MTARC2: variants seen among roughly 807,000 people sequenced by gnomAD.
MTARC2 encodes the protein MOCO sulphurase C-terminal domain containing 2.
A neutral mutation model predicts 35.6 loss-of-function variants in MTARC2; 27 were observed. The ratio of observed to expected loss-of-function variants is 0.76; its 90% CI spans 0.56 to 1.04. The LOEUF is 1.04. MTARC2 is among the 50% of genes least tolerant of loss of function. MTARC2 has a pLI of 0.00. For missense variants in MTARC2, 412 were observed against 432.5 expected (o/e 0.95, Z 0.42); for synonymous variants, 158 against 167.1 (o/e 0.95, Z 0.42).
chr1:220,758,453 C>T (rs1402382171), intron 2 of MTARC2, among the ~76,000 whole-genome samples: 8 of 145,380 alleles, frequency 5.5e-5, no homozygotes, highest in African/African-American at 1.5e-4. Context: ...GAGTTTCGCT[C>T]TTGTTGCCCG....
intron 1 of MTARC2, among the ~76,000 whole-genome samples, chr1:220,754,011 T>A (rs1671208612): frequency 6.6e-6 from 1 of 152,208 alleles, no homozygotes; most frequent in African/African-American, 2.4e-5. Context: ...ACTGTACCAC[T>A]GCACTCCAGC....
Position 220,748,584 on chromosome 1 carries a change from C to A in MTARC2, c.53C>A (p.Pro18His). The A allele has an allele frequency of 6.9e-7, 1 of 1,457,862 alleles. No individual in the cohort carries two copies. The highest frequency in any genetic ancestry group is 1.5e-5 in the African/African-American group (1 of 67,372). 90.3% of individuals were successfully genotyped at this position (1,457,862 alleles called of 1,614,324 possible). A position where few individuals can be genotyped will look rare whatever the true frequency, so the allele number is the denominator to read the frequency against. ...ALARLGLPAR[P>H]WPRWLGVAAL... is the part of the protein sequence containing the mutation. ...GCCCGCCTCGGCCTCCCAGCCCGGC[C>A]CTGGCCCAGGTGGCTCGGGGTCGCC... The change falls in exon 1 of 8, where the codon CCC (proline) becomes CAC (histidine). Residue 18 changes from proline (P) to histidine (H), a missense_variant. Pro to His is a moderately conservative substitution (Grantham distance 77, BLOSUM62 -2). Coordinates refer to ENST00000366913, the MANE Select transcript of MTARC2 (RefSeq NM_017898.5).
At chr1:220,758,582 G>A (rs1671346489) in intron 2 of MTARC2, among the ~76,000 whole-genome samples, 1 of 151,998 alleles carries the variant, frequency 6.6e-6, no homozygotes, top group South Asian at 2.1e-4. Context: ...ACCACACCCG[G>A]CTAATTTTTG....
intron 1 of MTARC2, chr1:220,754,237 C>T (rs1420102544): frequency 9.0e-6 from 4 of 442,168 alleles, no homozygotes; most frequent in African/African-American, 2.0e-5. Flanking sequence ...GGCCAGCTTC[C>T]CCTCACTCTT....
chr1:220,768,837 C>T (rs970853409), intron 4 of MTARC2, among the ~76,000 whole-genome samples: 1 of 152,112 alleles, frequency 6.6e-6, no homozygotes, highest in African/African-American at 2.4e-5. Flanking sequence ...AAGCAGGGGC[C>T]TGGGGAATGC....
intron 4 of MTARC2, among the ~76,000 whole-genome samples, chr1:220,773,765 T>C (rs1412312659): frequency 2.0e-5 from 3 of 151,968 alleles, no homozygotes; most frequent in African/African-American, 7.2e-5. Flanking sequence ...AAAATTATTT[T>C]TAAGATGTGC....
chr1:220,756,917 T>A (rs556342602), intron 2 of MTARC2, among the ~76,000 whole-genome samples: 18 of 152,388 alleles, frequency 1.2e-4, no homozygotes, highest in Non-Finnish European at 2.1e-4. Context: ...TTATTTATTT[T>A]TTGAGACGGA....
At chr1:220,769,988 C>T (rs371606534) in intron 4 of MTARC2, among the ~76,000 whole-genome samples, 56 of 146,830 alleles carry the variant, frequency 3.8e-4, no homozygotes, top group Middle Eastern at 7.4e-3. Flanking sequence ...GCGACTGTAG[C>T]CCCAGCTACT....
intron 6 of MTARC2, 95 bp downstream of exon 6, chr1:220,780,334 G>A: frequency 9.2e-7 from 1 of 1,085,182 alleles, no homozygotes. Context: ...GGGAAGATAT[G>A]ACCTTTCTCT....
chr1:220,765,894 T>A (rs762778757), intron 4 of MTARC2, among the ~76,000 whole-genome samples: 1 of 152,192 alleles, frequency 6.6e-6, no homozygotes, highest in Non-Finnish European at 1.5e-5. Flanking sequence ...GAGTCTTTTT[T>A]CTAAAGTGCA....
intron 4 of MTARC2, among the ~76,000 whole-genome samples, chr1:220,769,607 G>T (rs1009211717): frequency 1.3e-5 from 2 of 152,044 alleles, no homozygotes; most frequent in East Asian, 3.9e-4. Flanking sequence ...GAGCAGAGTG[G>T]CCTTTAAATC....
At chr1:220,754,389 G>A in intron 1 of MTARC2, 1 of 456,324 alleles carries the variant, frequency 2.2e-6, no homozygotes, top group South Asian at 1.5e-5. Flanking sequence ...GAAGAGGAAA[G>A]GCTGTTTGGG....
chr1:220,753,293 G>T (rs936522730), intron 1 of MTARC2, among the ~76,000 whole-genome samples: 1 of 152,038 alleles, frequency 6.6e-6, no homozygotes, highest in African/African-American at 2.4e-5. Flanking sequence ...GGGACTTGCT[G>T]CTACCCAGTG....
At chr1:220,759,885 GTC>G (rs1233405155) in intron 2 of MTARC2, among the ~76,000 whole-genome samples, 1 of 152,168 alleles carries the variant, frequency 6.6e-6, no homozygotes, top group African/African-American at 2.4e-5. Flanking sequence ...GAGGTTGGGA[GTC>G]TCTACCCTCA....
At chr1:220,771,296 C>CAAAAAA (rs57776178) in intron 4 of MTARC2, among the ~76,000 whole-genome samples, 783 of 57,066 alleles carry the variant, frequency 0.014, 93 homozygotes, top group East Asian at 0.044. Flanking sequence ...GAGACTGTCT[C>CAAAAAA]AAAAAAAAAA....
intron 1 of MTARC2, among the ~76,000 whole-genome samples, chr1:220,749,823 A>G (rs1671084551): frequency 6.6e-6 from 1 of 152,158 alleles, no homozygotes; most frequent in African/African-American, 2.4e-5. Flanking sequence ...GGATTCCTCT[A>G]GCAGAGAGCC....
intron 6 of MTARC2, among the ~76,000 whole-genome samples, chr1:220,780,886 T>TTA (rs1672053038): frequency 6.6e-6 from 1 of 152,068 alleles, no homozygotes; most frequent in Non-Finnish European, 1.5e-5. Flanking sequence ...TCAAATTCCT[T>TTA]TATTAGAATC....
At position 220,780,075 on chromosome 1, in the gene MTARC2, C is replaced by G; in HGVS notation, c.808C>G (p.Pro270Ala). 2 of 1,552,918 alleles carry G rather than the reference C, an allele frequency of 1.3e-6. No homozygotes were observed. The highest frequency in any genetic ancestry group is 1.3e-5 in the South Asian group (1 of 79,660). The change falls in exon 5 of 8, where the codon CCC (proline) becomes GCC (alanine). Residue 270 changes from proline (P) to alanine (A), a missense_variant. Transcript: ENST00000366913. ...AGAAGTGAAAAAGGTAATGGCATGCCCCAGGTAAGGAGCCTAGCTAGACCC... is the reference window on the plus strand; with the variant it reads ...AGAAGTGAAAAAGGTAATGGCATGCGCCAGGTAAGGAGCCTAGCTAGACCC... ...SVEVKKVMAC[P>A]RCILTTVDPD...
At chr1:220,753,761 T>C (rs1165773248) in intron 1 of MTARC2, among the ~76,000 whole-genome samples, 1 of 152,086 alleles carries the variant, frequency 6.6e-6, no homozygotes, top group Non-Finnish European at 1.5e-5. Context: ...TCTAAAATAG[T>C]GATATTGGGC....
Sources: gnomAD v4.1 joint callset for allele counts (sites outside exome capture counted in the v4.1 genomes callset) on GRCh38, gnomAD v4.1.1 for gene constraint, MANE v1.5 for transcripts, NCBI Gene and HGNC (gene_info 2026-07-23, HGNC 2026-07-21) for gene names.